CHCHD6: variants seen among roughly 807,000 people sequenced by gnomAD.
CHCHD6 encodes MICOS complex subunit MIC25.
A neutral mutation model predicts 32.3 loss-of-function variants in CHCHD6; 28 were observed. The observed-to-expected ratio is 0.87, with a 90% CI of 0.64 to 1.19. The LOEUF is 1.19. Ranked by LOEUF, CHCHD6 falls within the 50% of genes most tolerant of loss-of-function variation. CHCHD6 has a pLI of 0.00. For missense variants in CHCHD6, 333 were observed against 307.0 expected, an observed-to-expected ratio of 1.08 and a Z score of -0.63; for synonymous variants, 122 against 117.5, an observed-to-expected ratio of 1.04 and a Z score of -0.25.
intron 1 of CHCHD6, among the ~76,000 whole-genome samples, chr3:126,717,792 A>G (rs1439726689): frequency 6.6e-6 from 1 of 151,812 alleles, no homozygotes; most frequent in Non-Finnish European, 1.5e-5. Flanking sequence ...TGTGTGGCTT[A>G]GATTGAGGCT....
chr3:126,819,727 C>T (rs1045670256), intron 4 of CHCHD6, among the ~76,000 whole-genome samples: 4 of 152,240 alleles, frequency 2.6e-5, no homozygotes, highest in African/African-American at 7.2e-5. Flanking sequence ...TGCATGTCAG[C>T]ATTTGCTTTT....
intron 6 of CHCHD6, among the ~76,000 whole-genome samples, chr3:126,916,414 A>G (rs563721542): frequency 1.3e-5 from 2 of 152,226 alleles, no homozygotes; most frequent in East Asian, 3.9e-4. Context: ...AAAAAAAAAA[A>G]AAAGAAGGCC....
intron 6 of CHCHD6, among the ~76,000 whole-genome samples, chr3:126,917,399 A>T (rs1256801795): frequency 6.6e-6 from 1 of 152,142 alleles, no homozygotes; most frequent in African/African-American, 2.4e-5. Flanking sequence ...CCCTGCCTGG[A>T]CGTAAGATGG....
At chr3:126,958,160 C>G (rs892339277) in intron 7 of CHCHD6, among the ~76,000 whole-genome samples, 10 of 151,696 alleles carry the variant, frequency 6.6e-5, no homozygotes, top group Admixed American at 6.6e-5. Flanking sequence ...GCCTTCCTCC[C>G]CCACCCCCAA....
intron 4 of CHCHD6, among the ~76,000 whole-genome samples, chr3:126,819,189 T>C (rs1940047329): frequency 1.3e-5 from 2 of 152,290 alleles, no homozygotes; most frequent in Admixed American, 6.5e-5. Context: ...TTTTCCAGAT[T>C]GTTTGGTAAC....
At chr3:126,767,224 ATTG>A in intron 4 of CHCHD6, 1 of 1,525,162 alleles carries the variant, frequency 6.6e-7, no homozygotes, top group Non-Finnish European at 9.1e-7. Context: ...TTGGCTGGCC[ATTG>A]TATATTATCT....
intron 6 of CHCHD6, among the ~76,000 whole-genome samples, chr3:126,926,766 A>G (rs777845788): frequency 2.6e-5 from 4 of 152,066 alleles, no homozygotes; most frequent in Admixed American, 6.5e-5. Context: ...GGGAATTGAT[A>G]TGATTGGATT....
rs1435683914 is a variant in CHCHD6, at chr3:126,777,595, A to G, written c.411+44373A>G. 2.0e-5 allele frequency among the ~76,000 whole-genome samples: 3 copies of G among 152,150 alleles called. No individual in the cohort carries two copies. In the East Asian group the frequency reaches 5.8e-4, roughly 29 times the overall value. On this transcript the variant is annotated intron_variant, in intron 4 of 7. Transcript: ENST00000290913. ...CTTCTGCTTAGATAAGCACTGCCACACTGCATACTTCCCACTCCATACTTC... is the reference window on the plus strand; with the variant it reads ...CTTCTGCTTAGATAAGCACTGCCACGCTGCATACTTCCCACTCCATACTTC...
chr3:126,839,980 G>T (rs1031170082), intron 4 of CHCHD6, among the ~76,000 whole-genome samples: 10 of 152,080 alleles, frequency 6.6e-5, no homozygotes, highest in African/African-American at 2.4e-4. Context: ...CGGCCCCCAG[G>T]TCTTGGCAAG....
chr3:126,929,372 C>T (rs539115203), intron 6 of CHCHD6, among the ~76,000 whole-genome samples: 2 of 152,186 alleles, frequency 1.3e-5, no homozygotes, highest in South Asian at 4.1e-4. Context: ...TGTCTGCTGT[C>T]TCCTTGGCTG....
chr3:126,816,130 C>T (rs1230377981), intron 4 of CHCHD6, among the ~76,000 whole-genome samples: 1 of 152,086 alleles, frequency 6.6e-6, no homozygotes, highest in African/African-American at 2.4e-5. Flanking sequence ...CTCCTTCCTT[C>T]TACGTGTCCA....
In CHCHD6 at chr3:126,761,571, A is replaced by C. The variant is rs1022451000; in HGVS notation, c.411+28349A>C. On this transcript the variant is annotated intron_variant, in intron 4 of 7. Transcript: ENST00000290913. ...TTCCCAAGTATCTGGGACTATAGGC[A>C]TGCACCACCATGCCTGGCTAATTTT... Among the ~76,000 whole-genome samples, 9 of 152,180 alleles carry C rather than the reference A, an allele frequency of 5.9e-5. 1 individual carries two copies. The South Asian group carries it at 1.7e-3, about 28-fold the overall frequency.
chr3:126,822,561 T>C (rs1011576157), intron 4 of CHCHD6, among the ~76,000 whole-genome samples: 1 of 152,146 alleles, frequency 6.6e-6, no homozygotes, highest in Non-Finnish European at 1.5e-5. Flanking sequence ...TTCCTTGAAA[T>C]TTTCTATGGA....
intron 6 of CHCHD6, among the ~76,000 whole-genome samples, chr3:126,934,588 G>A (rs969857532): frequency 1.8e-5 from 2 of 113,010 alleles, no homozygotes; most frequent in African/African-American, 6.8e-5. Context: ...TCGCTCTGTC[G>A]CCCAGGCTGG....
At chr3:126,797,075 A>C (rs1938827699) in intron 4 of CHCHD6, among the ~76,000 whole-genome samples, 1 of 152,088 alleles carries the variant, frequency 6.6e-6, no homozygotes, top group Non-Finnish European at 1.5e-5. Context: ...TTACCCCTGG[A>C]GGTGGAAGAG....
intron 5 of CHCHD6, among the ~76,000 whole-genome samples, chr3:126,875,093 G>A (rs1173010235): frequency 6.6e-6 from 1 of 152,200 alleles, no homozygotes; most frequent in Non-Finnish European, 1.5e-5. Context: ...CCCACTGGGC[G>A]GAGCTCAGTG....
At chr3:126,848,152 T>G (rs917410246) in intron 4 of CHCHD6, among the ~76,000 whole-genome samples, 1 of 152,168 alleles carries the variant, frequency 6.6e-6, no homozygotes, top group Non-Finnish European at 1.5e-5. Context: ...TTATTTTTAT[T>G]TTTTGTGAAG....
At chr3:126,920,784 T>G (rs1161121837) in intron 6 of CHCHD6, among the ~76,000 whole-genome samples, 1 of 152,180 alleles carries the variant, frequency 6.6e-6, no homozygotes, top group Non-Finnish European at 1.5e-5. Context: ...CTGAAGCTAT[T>G]TGCCTGACAT....
At chr3:126,943,298 A>G (rs1366868710) in intron 6 of CHCHD6, among the ~76,000 whole-genome samples, 1 of 152,102 alleles carries the variant, frequency 6.6e-6, no homozygotes, top group Non-Finnish European at 1.5e-5. Flanking sequence ...TCGGAAAACA[A>G]CTCAAAGTCC....
Sources: gnomAD v4.1 joint callset for allele counts (sites outside exome capture counted in the v4.1 genomes callset) on GRCh38, gnomAD v4.1.1 for gene constraint, MANE v1.5 for transcripts, NCBI Gene and HGNC (gene_info 2026-07-23, HGNC 2026-07-21) for gene names.